The following TBL1X variants were observed in gnomAD, a reference collection of about 807,000 sequenced individuals.
TBL1X encodes the protein F-box-like/WD repeat-containing protein TBL1X.
TBL1X carries 10 observed loss-of-function variants against 50.7 expected under a neutral mutation model. The observed-to-expected ratio is 0.20, with a 90% CI of 0.12 to 0.33. The LOEUF is 0.33. Among genes scored for constraint, TBL1X ranks in the 10% least tolerant of loss-of-function variants. TBL1X has a pLI of 1.00. For synonymous variants in TBL1X, 190 were observed against 214.7 expected (o/e 0.88, Z 1.01); for missense variants, 340 against 504.4 (o/e 0.67, Z 3.12).
At chrX:9,577,818 A>G (rs1159976880) in intron 2 of TBL1X, among the ~76,000 whole-genome samples, 1 of 112,463 alleles carries the variant, frequency 8.9e-6, no homozygotes, top group Non-Finnish European at 1.9e-5. Context: ...GTCTGAGTCC[A>G]TGGAGCTTCT....
chrX:9,495,395 C>CT (rs919589534), intron 1 of TBL1X, among the ~76,000 whole-genome samples: 11 of 108,858 alleles, frequency 1.0e-4, no homozygotes, highest in Non-Finnish European at 1.5e-4. Context: ...GTTTCGGTTT[C>CT]TTTTTTTTTA....
At chrX:9,527,996 GC>G (rs750512518) in intron 2 of TBL1X, among the ~76,000 whole-genome samples, 19 of 110,780 alleles carry the variant, frequency 1.7e-4, no homozygotes, top group Middle Eastern at 9.3e-3. Context: ...GGTTGCCCAG[GC>G]TGGCATCAAA....
chrX:9,694,212 A>G (rs2083116638), intron 11 of TBL1X, among the ~76,000 whole-genome samples: 1 of 103,658 alleles, frequency 9.6e-6, no homozygotes, highest in Non-Finnish European at 2.0e-5. Context: ...TGGCTTTGGA[A>G]AAGAAGCATT....
chrX:9,600,469 C>CA, intron 2 of TBL1X, among the ~76,000 whole-genome samples: 1 of 11,312 alleles, frequency 8.8e-5, no homozygotes, highest in East Asian at 7.7e-3. Flanking sequence ...ATTTGGTGGG[C>CA]GGGGGGGGGG....
chrX:9,547,164 T>G (rs1204252232), intron 2 of TBL1X, among the ~76,000 whole-genome samples: 1 of 111,078 alleles, frequency 9.0e-6, no homozygotes, highest in African/African-American at 3.3e-5. Context: ...GTCATTACAT[T>G]ATTCTTTTAG....
chrX:9,479,938 A>ATGTGTGTGTG (rs112927270), intron 1 of TBL1X, among the ~76,000 whole-genome samples: 9 of 94,994 alleles, frequency 9.5e-5, no homozygotes, highest in Middle Eastern at 5.6e-3. Context: ...GGAAAGTAGA[A>ATGTGTGTGTG]TGTGTGTGTG....
intron 1 of TBL1X, among the ~76,000 whole-genome samples, chrX:9,467,901 AAGAC>A (rs1272990335): frequency 3.6e-5 from 4 of 112,259 alleles, no homozygotes; most frequent in Non-Finnish European, 5.6e-5. Context: ...CCAGGGGAGA[AAGAC>A]AGCCGTTAAG....
intron 13 of TBL1X, among the ~76,000 whole-genome samples, chrX:9,707,155 C>A (rs2083213328): frequency 9.0e-6 from 1 of 111,134 alleles, no homozygotes; most frequent in African/African-American, 3.3e-5. Flanking sequence ...TGGTCACAGT[C>A]CCTGGAGATT....
intron 2 of TBL1X, among the ~76,000 whole-genome samples, chrX:9,518,346 C>T (rs919902813): frequency 2.7e-5 from 3 of 111,742 alleles, no homozygotes; most frequent in South Asian, 3.8e-4. Context: ...CTTGAAGGCA[C>T]GTACCATCTT....
chrX:9,567,236 C>T (rs2082355846), intron 2 of TBL1X, among the ~76,000 whole-genome samples: 1 of 111,580 alleles, frequency 9.0e-6, no homozygotes, highest in Non-Finnish European at 1.9e-5. Flanking sequence ...TGCTCCTGTA[C>T]CTCAGTTCCT....
chrX:9,588,266 C>CG (rs1299175260), intron 2 of TBL1X, among the ~76,000 whole-genome samples: 2 of 111,376 alleles, frequency 1.8e-5, no homozygotes, highest in African/African-American at 6.5e-5. Context: ...GGAGGATACT[C>CG]GGATTTTGGT....
intron 2 of TBL1X, among the ~76,000 whole-genome samples, chrX:9,504,843 AC>A (rs776082199): frequency 8.9e-6 from 1 of 112,124 alleles, no homozygotes; most frequent in South Asian, 3.7e-4. Context: ...TGAGTGGAGT[AC>A]CAGAAGGAGG....
At chrX:9,714,128 C>G (rs775878540) in intron 16 of TBL1X, among the ~76,000 whole-genome samples, 4 of 111,817 alleles carry the variant, frequency 3.6e-5, no homozygotes, top group Non-Finnish European at 7.5e-5. Context: ...TCAACTCTTT[C>G]AAAGGCCTCA....
In TBL1X at chrX:9,698,260, G is replaced by C. The variant is rs865861122; in HGVS notation, c.1114+831G>C. On this transcript the variant is annotated intron_variant, in intron 12 of 17. Coordinates refer to ENST00000645353, the MANE Select transcript of TBL1X (RefSeq NM_005647.4). Reference sequence around the variant, plus strand: ...GCAGTGAGCCAGCCACAGAAGCAGTGCGGGCTCCTTTCTCTTGCTGTTCTA... The same window carrying C: ...GCAGTGAGCCAGCCACAGAAGCAGTCCGGGCTCCTTTCTCTTGCTGTTCTA... 6.3e-5 allele frequency among the ~76,000 whole-genome samples: 7 copies of C among 111,360 alleles called. No homozygotes were observed. In the Middle Eastern group the frequency reaches 0.018, roughly 292 times the overall value.
chrX:9,706,037 A>G (rs1273142658), intron 13 of TBL1X, among the ~76,000 whole-genome samples: 4 of 110,652 alleles, frequency 3.6e-5, no homozygotes, highest in African/African-American at 6.6e-5. Flanking sequence ...GGGGGGTGTC[A>G]CATACTTTTA....
intron 2 of TBL1X, among the ~76,000 whole-genome samples, chrX:9,548,089 G>A (rs1446761971): frequency 3.7e-5 from 4 of 108,487 alleles, no homozygotes; most frequent in Non-Finnish European, 5.7e-5. Flanking sequence ...TTCTCTTGTC[G>A]TTAGGATGTA....
intron 2 of TBL1X, among the ~76,000 whole-genome samples, chrX:9,622,713 G>T (rs1378012518): frequency 1.8e-5 from 2 of 111,899 alleles, no homozygotes; most frequent in African/African-American, 3.3e-5. Flanking sequence ...TGTTGGCCAG[G>T]CTGGTCTCGA....
intron 2 of TBL1X, among the ~76,000 whole-genome samples, chrX:9,512,032 A>G (rs1404463018): frequency 9.1e-6 from 1 of 110,195 alleles, no homozygotes; most frequent in Non-Finnish European, 1.9e-5. Context: ...AGCTAGTTTT[A>G]TTTTTTTGTA....
At chrX:9,559,719 C>T (rs2082316205) in intron 2 of TBL1X, among the ~76,000 whole-genome samples, 1 of 111,765 alleles carries the variant, frequency 8.9e-6, no homozygotes, top group Non-Finnish European at 1.9e-5. Flanking sequence ...GGAACAATTT[C>T]ATCTAAACCC....
Sources: gnomAD v4.1 joint callset for allele counts (sites outside exome capture counted in the v4.1 genomes callset) on GRCh38, gnomAD v4.1.1 for gene constraint, MANE v1.5 for transcripts, NCBI Gene and HGNC (gene_info 2026-07-23, HGNC 2026-07-21) for gene names.